TCAIM: variants seen among roughly 807,000 people sequenced by gnomAD.
TCAIM encodes T cell activation inhibitor, mitochondrial.
In TCAIM, 36 loss-of-function variants were observed where a neutral mutation model predicts 58.6. The ratio of observed to expected loss-of-function variants is 0.61; its 90% confidence interval spans 0.47 to 0.81. The LOEUF is 0.81. Ranked by LOEUF, TCAIM falls within the 30% of genes least tolerant of loss-of-function variation. The pLI is 0.00. For synonymous variants in TCAIM, 172 were observed against 193.6 expected (o/e 0.89, Z 0.93); for missense variants, 466 against 579.6 (o/e 0.80, Z 2.01).
chr3:44,351,967 AC>A (rs1316769028), intron 1 of TCAIM, among the ~76,000 whole-genome samples: 1 of 151,396 alleles, frequency 6.6e-6, no homozygotes, highest in Non-Finnish European at 1.5e-5. Context: ...TCTATTAATA[AC>A]AGTTATGCTT....
intron 5 of TCAIM, among the ~76,000 whole-genome samples, chr3:44,388,215 C>G (rs1034021901): frequency 6.6e-6 from 1 of 152,058 alleles, no homozygotes; most frequent in Non-Finnish European, 1.5e-5. Flanking sequence ...ATACTATTAG[C>G]TAACCCAGAG....
chr3:44,393,058 T>C, intron 6 of TCAIM, 81 bp downstream of exon 6: 1 of 1,262,058 alleles, frequency 7.9e-7, no homozygotes, highest in African/African-American at 1.5e-5. Context: ...CAGCTAAATA[T>C]TTGCATCTTT....
chr3:44,383,508 A>G (rs762894075), intron 5 of TCAIM, among the ~76,000 whole-genome samples: 2 of 152,146 alleles, frequency 1.3e-5, no homozygotes, highest in Non-Finnish European at 2.9e-5. Context: ...ATTCATAGAG[A>G]CAGAAAATAG....
chr3:44,389,483 C>G (rs919256951), intron 5 of TCAIM, among the ~76,000 whole-genome samples: 1 of 152,104 alleles, frequency 6.6e-6, no homozygotes, highest in Non-Finnish European at 1.5e-5. Context: ...GGGCCCCAAA[C>G]CAGACATGAT....
chr3:44,353,980 T>C (rs932737713), intron 1 of TCAIM, among the ~76,000 whole-genome samples: 2 of 152,226 alleles, frequency 1.3e-5, no homozygotes, highest in African/African-American at 2.4e-5. Flanking sequence ...TTGTTATAAC[T>C]AAATAGTCAT....
chr3:44,357,289 C>G (rs1701212561), intron 2 of TCAIM, among the ~76,000 whole-genome samples: 1 of 147,530 alleles, frequency 6.8e-6, no homozygotes, highest in Admixed American at 6.7e-5. Context: ...GATCACTTGA[C>G]CCCCGGAGAT....
intron 3 of TCAIM, 36 bp downstream of exon 3, chr3:44,357,912 A>G (rs1381733693): frequency 6.2e-7 from 1 of 1,601,148 alleles, no homozygotes; most frequent in Non-Finnish European, 8.5e-7. Flanking sequence ...ATTAGTGTAC[A>G]TTTCTGCTTA....
At chr3:44,355,321 C>T (rs1353065558) in intron 2 of TCAIM, among the ~76,000 whole-genome samples, 2 of 152,082 alleles carry the variant, frequency 1.3e-5, no homozygotes, top group African/African-American at 2.4e-5. Flanking sequence ...GAGGAAGATT[C>T]TTGGGAGCTG....
At chr3:44,386,009 G>GT (rs1362868927) in intron 5 of TCAIM, among the ~76,000 whole-genome samples, 4 of 150,908 alleles carry the variant, frequency 2.7e-5, no homozygotes, top group Non-Finnish European at 4.4e-5. Flanking sequence ...TTTTTAACCT[G>GT]TTTTTTAATT....
chr3:44,374,638 G>A (rs1701536309), intron 5 of TCAIM, among the ~76,000 whole-genome samples: 1 of 152,128 alleles, frequency 6.6e-6, no homozygotes. Flanking sequence ...GCATGTGCCT[G>A]TACTCCCAGC....
intron 1 of TCAIM, among the ~76,000 whole-genome samples, chr3:44,347,448 G>C (rs527436524): frequency 1.3e-5 from 2 of 152,190 alleles, no homozygotes; most frequent in African/African-American, 4.8e-5. Flanking sequence ...GTCAGGGTCA[G>C]TCCAGGTAAA....
chr3:44,398,445 TTAGATAGATAGATAGA>T (rs58163075), intron 8 of TCAIM, among the ~76,000 whole-genome samples: 1,896 of 145,338 alleles, frequency 0.013, 12 homozygotes, highest in South Asian at 0.018. Context: ...GATACAAAGA[TTAGATAGATAGATAGA>T]TAGATAGATA....
At chr3:44,406,464 T>C (rs1054892952) in intron 10 of TCAIM, among the ~76,000 whole-genome samples, 1 of 138,698 alleles carries the variant, frequency 7.2e-6, no homozygotes, top group African/African-American at 2.7e-5. Flanking sequence ...GTCTGTCTGC[T>C]TGAATCTCTA....
At chr3:44,345,856 T>C (rs1700955424) in intron 1 of TCAIM, among the ~76,000 whole-genome samples, 1 of 152,150 alleles carries the variant, frequency 6.6e-6, no homozygotes, top group Admixed American at 6.5e-5. Flanking sequence ...TTATGATGGT[T>C]TGAAGGAAAA....
intron 2 of TCAIM, among the ~76,000 whole-genome samples, chr3:44,355,732 A>T (rs73090417): frequency 0.18 from 27,491 of 152,252 alleles, 2,738 homozygotes; most frequent in Middle Eastern, 0.29. Flanking sequence ...GTGGTACCAC[A>T]ATAACAAAAA....
chr3:44,369,551 G>A (rs751545286), intron 5 of TCAIM, among the ~76,000 whole-genome samples: 6 of 152,132 alleles, frequency 3.9e-5, no homozygotes, highest in Non-Finnish European at 7.4e-5. Context: ...CTTAGACACC[G>A]GCAAAGTAGT....
intron 8 of TCAIM, among the ~76,000 whole-genome samples, chr3:44,399,423 A>G (rs569102332): frequency 8.5e-4 from 130 of 152,308 alleles, no homozygotes; most frequent in Non-Finnish European, 1.7e-3. Context: ...TTACATAGCT[A>G]TTGCTTTTAT....
In TCAIM at chr3:44,400,440, T is replaced by C; in HGVS notation, c.971T>C (p.Ile324Thr). The C allele has an allele frequency of 6.2e-7, 1 of 1,613,890 alleles. No homozygotes were observed. Among genetic ancestry groups the C allele is most frequent in the Non-Finnish European group, 8.5e-7 (1 of 1,179,900 alleles). Residue 324 changes from isoleucine to threonine, a missense_variant, in exon 9 of 11, where the codon ATA becomes ACA. Ile to Thr is a moderately conservative substitution (Grantham distance 89, BLOSUM62 -1). Coordinates refer to ENST00000342649, the MANE Select transcript of TCAIM (RefSeq NM_173826.4). ...CAAATAAGCTATCTTTTAGGTGGCA[T>C]ACAAGTTGTTTATATTGAAGAATTA... ...EDQISYLLGGIQVVYIEELQP... is the reference protein window; with the variant it reads ...EDQISYLLGGTQVVYIEELQP...
intron 8 of TCAIM, among the ~76,000 whole-genome samples, chr3:44,399,404 G>A (rs994987367): frequency 6.6e-6 from 1 of 152,160 alleles, no homozygotes; most frequent in African/African-American, 2.4e-5. Flanking sequence ...TAAATAATTT[G>A]TAGAATTTTT....
Sources: gnomAD v4.1 joint callset for allele counts (sites outside exome capture counted in the v4.1 genomes callset) on GRCh38, gnomAD v4.1.1 for gene constraint, MANE v1.5 for transcripts, NCBI Gene and HGNC (gene_info 2026-07-23, HGNC 2026-07-21) for gene names.